Variants in GTF2A1 observed in about 807,000 individuals in gnomAD.
GTF2A1 encodes the protein general transcription factor IIA subunit 1, also known as transcription initiation factor IIA subunit 1.
GTF2A1 carries 12 observed loss-of-function variants against 54.1 expected under a neutral mutation model. That is an observed-to-expected ratio of 0.22 (90% confidence interval 0.14 to 0.36). The LOEUF (loss-of-function observed/expected upper bound fraction) is 0.36, where lower values mean the gene tolerates loss of function less well. Ranked by LOEUF, GTF2A1 falls within the 10% of genes least tolerant of loss-of-function variation. The pLI is 1.00. For missense variants in GTF2A1, 335 were observed against 442.2 expected (o/e 0.76, Z 2.17); for synonymous variants, 145 against 152.0 (o/e 0.95, Z 0.34).
At chr14:81,208,404 G>GA (rs1893289267) in intron 2 of GTF2A1, among the ~76,000 whole-genome samples, 1 of 152,318 alleles carries the variant, frequency 6.6e-6, no homozygotes, top group South Asian at 2.1e-4. Context: ...AAGATGTATG[G>GA]AAACGCCTGG....
Position 81,206,956 on chromosome 14 carries a change from G to A in GTF2A1, c.133-2852C>T, listed in dbSNP as rs531531243. 3.6e-4 allele frequency among the ~76,000 whole-genome samples: 55 copies of A among 152,258 alleles called. 1 individual carries two copies. The South Asian group carries it at 0.011, about 32-fold the overall frequency. Reference sequence around the variant, plus strand: ...GTTATACACACATACACTGGCGCATGTATTTATTCAAAATGTTAAATACTA... The same window carrying A: ...GTTATACACACATACACTGGCGCATATATTTATTCAAAATGTTAAATACTA... On this transcript the variant is annotated intron_variant, in intron 2 of 8. Transcript: ENST00000553612.
chr14:81,210,624 G>A (rs772289426), intron 2 of GTF2A1, among the ~76,000 whole-genome samples: 13 of 151,948 alleles, frequency 8.6e-5, no homozygotes, highest in Non-Finnish European at 1.5e-4. Context: ...GTGCGATCTC[G>A]GCTCACTGCA....
At position 81,204,004 on chromosome 14, in the gene GTF2A1, T is replaced by C. The variant is rs1424555510; in HGVS notation, c.233A>G (p.Gln78Arg). 1 of 1,613,920 alleles carries C rather than the reference T, an allele frequency of 6.2e-7. No individual in the cohort carries two copies. The highest frequency in any genetic ancestry group is 1.1e-5 in the South Asian group (1 of 91,086). Residue 78 changes from glutamine (Q) to arginine (R), a missense_variant, in exon 3 of 9, where the codon CAG (glutamine) becomes CGG (arginine). Gln to Arg is a conservative substitution (Grantham distance 43, BLOSUM62 1). This residue lies in a region of GTF2A1 where 306 missense variants were observed against 360.4 expected (regional missense o/e 0.85). Transcript: ENST00000553612. ...LQVQQQHQPQ[Q>R]QQHHHHHHHQ... ...ATGGTGATGGTGGTGATGCTGCTGCTGCTGGGGTTGATGCTGCTGTTGAAC... is the reference window on the plus strand; with the variant it reads ...ATGGTGATGGTGGTGATGCTGCTGCCGCTGGGGTTGATGCTGCTGTTGAAC...
In GTF2A1 at chr14:81,220,478, C is replaced by A; in HGVS notation, c.30+11G>T. On this transcript the variant is annotated intron_variant, in intron 1 of 8. Coordinates refer to ENST00000553612, the MANE Select transcript of GTF2A1 (RefSeq NM_015859.4). The stretch of plus-strand genomic sequence containing the variant: ...ACGAAGCCCCCGCCGGCCACCGAAC[C>A]ACGTCCTTACCACGGTGTTTGTATT... 1 of 1,566,296 alleles carries A rather than the reference C, an allele frequency of 6.4e-7. No homozygotes were observed.
At chr14:81,206,925 A>T (rs1893244228) in intron 2 of GTF2A1, among the ~76,000 whole-genome samples, 1 of 152,172 alleles carries the variant, frequency 6.6e-6, no homozygotes, top group African/African-American at 2.4e-5. Context: ...ACTTTTGCAG[A>T]TTTTTGTTAT....
rs538438840 is a variant in GTF2A1 at position 81,212,825 on chromosome 14, C to T, written c.132+3588G>A. Among the ~76,000 whole-genome samples the T allele has an allele frequency of 1.3e-3, 204 of 152,288 alleles. 1 individual carries two copies. The highest frequency in any genetic ancestry group is 4.6e-3 in the African/African-American group (191 of 41,554). ...AGTTCCACCAACCACATTTTGAGTG[C>T]TTAATAAGCACATGTGGCTAGTGGC... On this transcript the variant is annotated intron_variant, in intron 2 of 8. Coordinates refer to ENST00000553612, the MANE Select transcript of GTF2A1 (RefSeq NM_015859.4).
chr14:81,192,760 T>G lies in GTF2A1; in HGVS notation c.692A>C (p.Asn231Thr). 1 of 1,613,680 alleles carries G rather than the reference T, an allele frequency of 6.2e-7. No homozygotes were observed. The highest frequency in any genetic ancestry group is 8.5e-7 in the Non-Finnish European group (1 of 1,179,524). ...TGTCGTAGGTATAACTTGAGTCTTA[T>G]TTCCTGTAAATAAGATTTGCTGAGG... ...IQPQQILFTG[N>T]KTQVIPTTVA... The change falls in exon 7 of 9, where the codon AAT becomes ACT. Residue 231 changes from asparagine to threonine, a missense_variant. Asn to Thr is a moderately conservative substitution (Grantham distance 65, BLOSUM62 0). Transcript: ENST00000553612.
Position 81,192,824 on chromosome 14 carries a change from G to A in GTF2A1, c.628C>T (p.Pro210Ser). 1 of 1,608,450 alleles carries A rather than the reference G, an allele frequency of 6.2e-7. No homozygotes were observed. The highest frequency in any genetic ancestry group is 8.5e-7 in the Non-Finnish European group (1 of 1,175,138). The part of the protein sequence containing the change: ...PVIQQVLAPL[P>S]GGISPQTGVI... ...CCTGTCTGTGGTGAAATCCCTCCAG[G>A]AAGAGGAGCCAGCACCTAAAGCAAA... is the stretch of plus-strand genomic sequence containing the variant. The change falls in exon 7 of 9, where the codon CCT becomes TCT. Residue 210 changes from proline (P) to serine (S), a missense_variant. Around this residue, in one of 2 missense-constraint regions of GTF2A1, gnomAD observed 306 missense variants for 360.4 expected, o/e 0.85. Coordinates refer to ENST00000553612, the MANE Select transcript of GTF2A1 (RefSeq NM_015859.4).
At chr14:81,210,836 TGA>T (rs955344913) in intron 2 of GTF2A1, among the ~76,000 whole-genome samples, 10 of 152,252 alleles carry the variant, frequency 6.6e-5, no homozygotes, top group African/African-American at 2.4e-4. Flanking sequence ...ATTACAGGCA[TGA>T]GACACCGCAC....
At chr14:81,205,513 TA>T (rs1368629092) in intron 2 of GTF2A1, among the ~76,000 whole-genome samples, 1 of 152,214 alleles carries the variant, frequency 6.6e-6, no homozygotes, top group Non-Finnish European at 1.5e-5. Context: ...CATATCTATG[TA>T]AAACAATTAT....
chr14:81,203,748 A>C, intron 3 of GTF2A1, 152 bp downstream of exon 3: 1 of 631,416 alleles, frequency 1.6e-6, no homozygotes, highest in Non-Finnish European at 2.8e-6. Flanking sequence ...GGGGGGAAAA[A>C]GCCCGAAATC....
chr14:81,201,617 G>T lies in GTF2A1; in HGVS notation c.379C>A (p.Gln127Lys). The change falls in exon 4 of 9, where the codon CAG becomes AAG. Residue 127 changes from glutamine to lysine, a missense_variant. Coordinates refer to ENST00000553612, the MANE Select transcript of GTF2A1 (RefSeq NM_015859.4). ...QVIVPDSKLI[Q>K]HMNASNMSAA... ...ACCATGTTTGATGCATTCATATGCT[G>T]TATCAACTTAGAATCTGGAACAATA... The T allele has an allele frequency of 1.2e-6, 2 of 1,607,118 alleles. No individual in the cohort carries two copies. The highest frequency in any genetic ancestry group is 1.7e-6 in the Non-Finnish European group (2 of 1,173,662).
At chr14:81,220,129 G>A (rs779699175) in intron 1 of GTF2A1, among the ~76,000 whole-genome samples, 2 of 151,416 alleles carry the variant, frequency 1.3e-5, no homozygotes, top group Admixed American at 6.6e-5. Context: ...CAGCGCGGAC[G>A]GGCCCCTCGG....
In GTF2A1 at chr14:81,179,672, A is replaced by AT. The variant is rs984832076; in HGVS notation, c.*550dup. On this transcript the variant is annotated 3_prime_UTR_variant, in exon 9 of 9. Coordinates refer to ENST00000553612, the MANE Select transcript of GTF2A1 (RefSeq NM_015859.4). Reference sequence around the variant, plus strand: ...CATAAAGCTGGAAAGGAAGAGGTATATATCACTGAGGGAGAATAGCAAGTA... The same window carrying AT: ...CATAAAGCTGGAAAGGAAGAGGTATATTATCACTGAGGGAGAATAGCAAGTA... 6.6e-6 allele frequency: 1 copy of AT among 152,244 alleles called. No individual in the cohort carries two copies. Among genetic ancestry groups the AT allele is most frequent in the African/African-American group, 2.4e-5 (1 of 41,468 alleles). 9.4% of individuals were successfully genotyped at this position (152,244 alleles called of 1,614,324 possible).
At chr14:81,187,916 C>G (rs1244796764) in intron 7 of GTF2A1, among the ~76,000 whole-genome samples, 3 of 152,104 alleles carry the variant, frequency 2.0e-5, no homozygotes, top group Non-Finnish European at 4.4e-5. Flanking sequence ...TTTCCCACAG[C>G]AGCTGTACCA....
intron 7 of GTF2A1, among the ~76,000 whole-genome samples, chr14:81,190,798 T>C (rs965599015): frequency 1.3e-5 from 2 of 152,144 alleles, no homozygotes; most frequent in Non-Finnish European, 2.9e-5. Flanking sequence ...GCTTAGCCAA[T>C]GAGCCACAAA....
At chr14:81,200,652 A>T (rs1316591890) in intron 4 of GTF2A1, among the ~76,000 whole-genome samples, 1 of 151,262 alleles carries the variant, frequency 6.6e-6, no homozygotes, top group Non-Finnish European at 1.5e-5. Context: ...ACTTGAACGG[A>T]GGGAAAAAAA....
chr14:81,195,135 C>T (rs867957691), intron 6 of GTF2A1, among the ~76,000 whole-genome samples: 6 of 61,280 alleles, frequency 9.8e-5, no homozygotes, highest in Middle Eastern at 0.014. Context: ...GACTCTGTCT[C>T]AAAAAAAAAA....
At chr14:81,213,590 T>C (rs1440083038) in intron 2 of GTF2A1, among the ~76,000 whole-genome samples, 1 of 152,158 alleles carries the variant, frequency 6.6e-6, no homozygotes, top group Admixed American at 6.6e-5. Flanking sequence ...TCATTCCACG[T>C]TACACTAAGG....
Sources: gnomAD v4.1 joint callset for allele counts (sites outside exome capture counted in the v4.1 genomes callset) on GRCh38, gnomAD v4.1.1 for gene constraint, gnomAD v4.1.1 regional missense constraint, MANE v1.5 for transcripts, NCBI Gene and HGNC (gene_info 2026-07-23, HGNC 2026-07-21) for gene names.